MFHAS1: variants seen among roughly 807,000 people sequenced by gnomAD.
MFHAS1 encodes the protein multifunctional ROCO family signaling regulator 1.
Under a neutral mutation model 70.4 loss-of-function variants are expected in MFHAS1, and 50 were observed. The observed-to-expected ratio is 0.71, with a 90% CI of 0.57 to 0.90. The LOEUF (loss-of-function observed/expected upper bound fraction) is 0.90. Among genes scored for constraint, MFHAS1 ranks in the 40% least tolerant of loss-of-function variants. The probability of loss-of-function intolerance (pLI) is 0.00; values close to 1 mark genes in which losing one functional copy is unlikely to be tolerated. For synonymous variants in MFHAS1, 952 were observed against 620.0 expected, an observed-to-expected ratio of 1.54 and a Z score of -7.96; for missense variants, 1,795 against 1,347.6, an observed-to-expected ratio of 1.33 and a Z score of -5.20.
intron 1 of MFHAS1, among the ~76,000 whole-genome samples, chr8:8,887,144 C>CA (rs1042094816): frequency 1.3e-5 from 2 of 151,896 alleles, no homozygotes; most frequent in African/African-American, 4.8e-5. Context: ...AACAAACAAA[C>CA]AAAAAAACAT....
At chr8:8,830,455 A>T (rs1252733384) in intron 1 of MFHAS1, among the ~76,000 whole-genome samples, 1 of 152,228 alleles carries the variant, frequency 6.6e-6, no homozygotes, top group African/African-American at 2.4e-5. Flanking sequence ...AAAATCACTC[A>T]TAATCCATCT....
At chr8:8,884,741 G>A (rs909871415) in intron 1 of MFHAS1, among the ~76,000 whole-genome samples, 1 of 152,192 alleles carries the variant, frequency 6.6e-6, no homozygotes, top group Non-Finnish European at 1.5e-5. Flanking sequence ...GAGGCAGGCA[G>A]ACTTTGAGAC....
At position 8,891,820 on chromosome 8, in the gene MFHAS1, G is replaced by C. The variant is rs767372805; in HGVS notation, c.1239C>G (p.Leu413=). 6.2e-7 allele frequency: 1 copy of C among 1,613,222 alleles called. No homozygotes were observed. The highest frequency in any genetic ancestry group is 8.5e-7 in the Non-Finnish European group (1 of 1,179,966). ...QPAVQPRLKL[L]LMGHKAAGKT... is the part of the protein sequence containing the mutation. ...TTCCTGCAGCCTTATGCCCCATCAGGAGCAGCTTGAGCCGGGGCTGCACCG... is the reference window on the plus strand; with the variant it reads ...TTCCTGCAGCCTTATGCCCCATCAGCAGCAGCTTGAGCCGGGGCTGCACCG... Residue 413 remains leucine (L), a synonymous_variant, in exon 1 of 3, where the codon CTC becomes CTG. Transcript: ENST00000276282. The surrounding 1 kb of genome is among the most constrained non-coding windows in gnomAD (Gnocchi z 5.4).
At chr8:8,790,282 C>T (rs2117244681) in intron 2 of MFHAS1, 1 of 726,346 alleles carries the variant, frequency 1.4e-6, no homozygotes, top group East Asian at 1.3e-4. Flanking sequence ...TCAAGAGGGC[C>T]TTACCTATTT....
chr8:8,847,284 T>C (rs1333649294), intron 1 of MFHAS1, among the ~76,000 whole-genome samples: 1 of 152,154 alleles, frequency 6.6e-6, no homozygotes, highest in East Asian at 1.9e-4. Flanking sequence ...CAGGTTGAAG[T>C]GATTCTCCTG....
intron 1 of MFHAS1, among the ~76,000 whole-genome samples, chr8:8,824,688 A>C (rs1454103522): frequency 6.6e-6 from 1 of 152,210 alleles, no homozygotes; most frequent in African/African-American, 2.4e-5. Flanking sequence ...GATCATCTCT[A>C]AAAGATAAAC....
chr8:8,845,952 C>T (rs1247320256), intron 1 of MFHAS1, among the ~76,000 whole-genome samples: 1 of 152,022 alleles, frequency 6.6e-6, no homozygotes, highest in Non-Finnish European at 1.5e-5. Context: ...CTCGATCCTC[C>T]AAACAGATCT....
intron 1 of MFHAS1, among the ~76,000 whole-genome samples, chr8:8,877,422 C>T (rs952472448): frequency 6.0e-5 from 9 of 150,030 alleles, no homozygotes; most frequent in African/African-American, 2.2e-4. Flanking sequence ...GAAACTTAAA[C>T]AGCCCACAAT....
chr8:8,888,158 G>C (rs1262425848), intron 1 of MFHAS1, among the ~76,000 whole-genome samples: 2 of 152,194 alleles, frequency 1.3e-5, no homozygotes, highest in South Asian at 2.1e-4. Context: ...AGTGTGACAA[G>C]ATTCCAGATA....
chr8:8,788,495 AT>A (rs1336131554), intron 2 of MFHAS1, among the ~76,000 whole-genome samples: 1 of 152,164 alleles, frequency 6.6e-6, no homozygotes, highest in Non-Finnish European at 1.5e-5. Context: ...CCTGGCCAAC[AT>A]GGCAAAACCC....
chr8:8,825,173 G>A lies in MFHAS1; in HGVS notation c.2999-27682C>T, dbSNP rs367816240. Among the ~76,000 whole-genome samples the A allele has an allele frequency of 1.7e-3, 266 of 152,186 alleles. 7 individuals are homozygous for A. The South Asian group carries it at 0.053, about 31-fold the overall frequency. On this transcript the variant is annotated intron_variant, in intron 1 of 2. Coordinates refer to ENST00000276282, the MANE Select transcript of MFHAS1 (RefSeq NM_004225.3). ...GCTGGAGAACTTAAAGAAAAGGGTT[G>A]CGGTTTTTTTGTTTTTTGAGATGGA...
intron 1 of MFHAS1, among the ~76,000 whole-genome samples, chr8:8,879,972 C>T (rs1353220384): frequency 1.3e-5 from 2 of 152,216 alleles, no homozygotes; most frequent in East Asian, 3.8e-4. Context: ...TAAAAAAAAG[C>T]TCTATGCAGA....
chr8:8,886,856 T>G (rs1226233072), intron 1 of MFHAS1, among the ~76,000 whole-genome samples: 1 of 152,238 alleles, frequency 6.6e-6, no homozygotes, highest in Admixed American at 6.5e-5. Context: ...CCAAGCCTAG[T>G]GGCTCACGCT....
intron 1 of MFHAS1, among the ~76,000 whole-genome samples, chr8:8,866,355 G>A (rs941529371): frequency 6.8e-6 from 1 of 147,044 alleles, no homozygotes; most frequent in African/African-American, 2.5e-5. Context: ...GGGTCTTACT[G>A]TCCTCTAGGC....
Position 8,891,055 on chromosome 8 carries a change from T to C in MFHAS1, c.2004A>G (p.Glu668=), listed in dbSNP as rs978753821. The C allele has an allele frequency of 6.2e-7, 1 of 1,613,512 alleles. No homozygotes were observed. Among genetic ancestry groups the C allele is most frequent in the Middle Eastern group, 1.6e-4 (1 of 6,062 alleles). ...VLPRSWQVLE[E]LHFQPPQAQR... ...GGGCCTGAGGTGGCTGGAAATGCAGTTCCTCCAGCACCTGCCAGGATCGAG... is the reference window on the plus strand; with the variant it reads ...GGGCCTGAGGTGGCTGGAAATGCAGCTCCTCCAGCACCTGCCAGGATCGAG... The change falls in exon 1 of 3, where the codon GAA becomes GAG. Residue 668 remains glutamate (E), a synonymous_variant. Coordinates refer to ENST00000276282, the MANE Select transcript of MFHAS1 (RefSeq NM_004225.3). This position sits in a 1 kb window ranked among gnomAD's most constrained non-coding sequence, Gnocchi z 5.4.
intron 1 of MFHAS1, among the ~76,000 whole-genome samples, chr8:8,857,228 G>A (rs991442062): frequency 2.6e-5 from 4 of 152,144 alleles, no homozygotes; most frequent in South Asian, 2.1e-4. Flanking sequence ...TAAATTCCGC[G>A]TGTGGCCCTA....
intron 1 of MFHAS1, among the ~76,000 whole-genome samples, chr8:8,887,226 T>G (rs1671750244): frequency 6.6e-6 from 1 of 152,168 alleles, no homozygotes; most frequent in African/African-American, 2.4e-5. Context: ...AATCTAGGGA[T>G]TCAATGAATC....
At chr8:8,799,095 G>A (rs1806000456) in intron 1 of MFHAS1, among the ~76,000 whole-genome samples, 1 of 151,440 alleles carries the variant, frequency 6.6e-6, no homozygotes, top group South Asian at 2.1e-4. Context: ...AGACTCCAAA[G>A]AAGAGCAGTC....
chr8:8,786,135 G>T lies in MFHAS1; in HGVS notation c.3126-80C>A. ...GCTACCCTCAATAAGAAAAGGAAGT[G>T]ATGATAGAAATCTATTTTCTGCACA... On this transcript the variant is annotated intron_variant, in intron 2 of 2. Transcript: ENST00000276282. The T allele has an allele frequency of 4.7e-6, 6 of 1,287,186 alleles. No individual in the cohort carries two copies. The South Asian group carries it at 7.2e-5, about 15-fold the overall frequency. The allele number at this position is 1,287,186 out of a possible 1,614,324, so 79.7% of individuals were successfully genotyped here.
Sources: allele counts gnomAD v4.1 joint callset (sites outside exome capture counted in the v4.1 genomes callset), GRCh38; gene constraint gnomAD v4.1.1; non-coding constraint Gnocchi (gnomAD v3.1); transcripts MANE v1.5; gene names NCBI Gene and HGNC (gene_info 2026-07-23, HGNC 2026-07-21).